Variants in CRELD2 observed in about 807,000 individuals in gnomAD.
CRELD2 encodes CRELD disulfide isomerase 2, also known as protein disulfide isomerase CRELD2.
A neutral mutation model predicts 48.1 loss-of-function variants in CRELD2; 33 were observed. That is an observed-to-expected ratio of 0.69 (90% CI 0.52 to 0.92). CRELD2 has a LOEUF of 0.92. Among genes scored for constraint, CRELD2 ranks in the 40% least tolerant of loss-of-function variants. CRELD2 has a pLI of 0.00. For synonymous variants in CRELD2, 220 were observed against 203.9 expected, an observed-to-expected ratio of 1.08 and a Z score of -0.67; for missense variants, 477 against 482.4, an observed-to-expected ratio of 0.99 and a Z score of 0.10.
In CRELD2 at chr22:49,924,464, C is replaced by G; in HGVS notation, c.868+9C>G. 1.3e-6 allele frequency: 2 copies of G among 1,590,092 alleles called. No individual in the cohort carries two copies. Among genetic ancestry groups the G allele is most frequent in the Non-Finnish European group, 1.7e-6 (2 of 1,165,300 alleles). ...GCACGGACAGTGTGCAGGTCAGTGA[C>G]GGGGTCTGTGCTGGACGCTGGTGGA... On this transcript the variant is annotated intron_variant, in intron 8 of 9. Transcript: ENST00000328268.
intron 7 of CRELD2, 72 bp from the exon 8 acceptor site, chr22:49,924,288 T>C: frequency 9.2e-7 from 1 of 1,084,392 alleles, no homozygotes; most frequent in Admixed American, 2.0e-5. Context: ...ACCGGTGCCT[T>C]GTGCATGTCG....
rs1056294099 is a variant in CRELD2 at position 49,918,720 on chromosome 22, G to T, written c.-50G>T. 2.2e-5 allele frequency: 16 copies of T among 726,700 alleles called. No homozygotes were observed. The African/African-American group carries it at 2.8e-4, about 13-fold the overall frequency. The allele number at this position is 726,700 out of a possible 1,614,324, so 45.0% of individuals were successfully genotyped here. Reference sequence around the variant, plus strand: ...GGCGGCCGGGAGGCCGGAGCAGCACGGCCGCAGGACCTGGAGCTCCGGCTG... The same window carrying T: ...GGCGGCCGGGAGGCCGGAGCAGCACTGCCGCAGGACCTGGAGCTCCGGCTG... On this transcript the variant is annotated 5_prime_UTR_variant, in exon 1 of 10. Transcript: ENST00000328268.
At chr22:49,925,294 G>A (rs1433302378) in intron 8 of CRELD2, 123 bp from the exon 9 acceptor site, 4 of 728,618 alleles carry the variant, frequency 5.5e-6, no homozygotes, top group Non-Finnish European at 6.9e-6. Flanking sequence ...GCTCCTTTCT[G>A]TAACGTGACG....
At chr22:49,927,091 T>G (rs2146670967) in intron 9 of CRELD2, among the ~76,000 whole-genome samples, 164 bp from the exon 10 acceptor site, 1 of 151,080 alleles carries the variant, frequency 6.6e-6, no homozygotes, top group African/African-American at 2.4e-5. Flanking sequence ...TCATCTGCTT[T>G]GTGGGAAACG....
At chr22:49,919,028 G>T (rs2060646608) in intron 1 of CRELD2, 130 bp downstream of exon 1, 2 of 883,056 alleles carry the variant, frequency 2.3e-6, no homozygotes, top group South Asian at 3.6e-5. Flanking sequence ...CCCTGGATTC[G>T]GGATCCCCCT....
rs777881162 is a variant in CRELD2, at chr22:49,921,656, G to A, written c.487G>A (p.Asp163Asn). 33 of 1,612,822 alleles carry A rather than the reference G, an allele frequency of 2.0e-5. No homozygotes were observed. In the East Asian group the frequency reaches 6.2e-4, roughly 30 times the overall value. ...CAGCGGAGATGGGAGCAGACAGGGC[G>A]ACGGGTCCTGCCGGTGCCACATGGG... ...HCSGDGSRQG[D>N]GSCRCHMGYQ... Residue 163 changes from aspartate to asparagine, a missense_variant, in exon 5 of 10, where the codon GAC becomes AAC. By Grantham distance (23) the Asp-to-Asn change is conservative. Coordinates refer to ENST00000328268, the MANE Select transcript of CRELD2 (RefSeq NM_024324.5).
rs761856101 is a variant in CRELD2, at chr22:49,921,671, T to G, written c.502T>G (p.Cys168Gly). The change falls in exon 5 of 10, where the codon TGC becomes GGC. Residue 168 changes from cysteine to glycine, a missense_variant. By Grantham distance (159) the Cys-to-Gly change is radical (BLOSUM62 -3). Coordinates refer to ENST00000328268, the MANE Select transcript of CRELD2 (RefSeq NM_024324.5). Reference protein sequence around the residue: ...GSRQGDGSCRCHMGYQGPLCT... With the variant: ...GSRQGDGSCRGHMGYQGPLCT... Reference sequence around the variant, plus strand: ...CAGACAGGGCGACGGGTCCTGCCGGTGCCACATGGGGTACCAGGGCCCGCT... The same window carrying G: ...CAGACAGGGCGACGGGTCCTGCCGGGGCCACATGGGGTACCAGGGCCCGCT... The G allele has an allele frequency of 6.2e-7, 1 of 1,612,884 alleles. No individual in the cohort carries two copies. The highest frequency in any genetic ancestry group is 2.2e-5 in the East Asian group (1 of 44,884).
Position 49,919,754 on chromosome 22 carries a change from G to A in CRELD2, c.237G>A (p.Leu79=). 1.2e-6 allele frequency: 2 copies of A among 1,611,568 alleles called. No homozygotes were observed. Among genetic ancestry groups the A allele is most frequent in the Non-Finnish European group, 1.7e-6 (2 of 1,179,072 alleles). Residue 79 remains leucine, a synonymous_variant, in exon 3 of 10, where the codon CTG becomes CTA. Transcript: ENST00000328268. ...GCGAGATTCGCCTGCTGGAGATCCT[G>A]GAGGGGCTGTGCGAGAGCAGCGACT... ...ESSEIRLLEI[L]EGLCESSDFE... is the part of the protein sequence containing the mutation.
Position 49,919,276 on chromosome 22 carries a change from C to T in CRELD2, c.176C>T (p.Ala59Val), listed in dbSNP as rs2060651073. The T allele has an allele frequency of 5.6e-6, 9 of 1,613,716 alleles. No individual in the cohort carries two copies. The highest frequency in any genetic ancestry group is 7.6e-6 in the Non-Finnish European group (9 of 1,180,022). Residue 59 changes from alanine (A) to valine (V), a missense_variant, in exon 2 of 10, where the codon GCT becomes GTT. Transcript: ENST00000328268. Reference protein sequence around the residue: ...AKKNFGGGNTAWEEKTLSKYE... With the variant: ...AKKNFGGGNTVWEEKTLSKYE... ...AAGAACTTTGGCGGCGGGAACACGG[C>T]TTGGGAGGAAAAGACGCTGTCCAAG...
intron 5 of CRELD2, 88 bp downstream of exon 5, chr22:49,921,849 G>A (rs2060691472): frequency 3.6e-6 from 5 of 1,374,408 alleles, no homozygotes; most frequent in Non-Finnish European, 4.9e-6. Context: ...GGGAACAGGG[G>A]CCTGTTGATC....
rs376764425 is a variant in CRELD2 at position 49,925,399 on chromosome 22, G to A, written c.869-18G>A. ...TGCTGAGCAAAGTAATTATTAAAACGGAGTCTTTTCATTTTAGATGTGGAC... is the reference window on the plus strand; with the variant it reads ...TGCTGAGCAAAGTAATTATTAAAACAGAGTCTTTTCATTTTAGATGTGGAC... On this transcript the variant is annotated intron_variant, in intron 8 of 9. Coordinates refer to ENST00000328268, the MANE Select transcript of CRELD2 (RefSeq NM_024324.5). The A allele has an allele frequency of 2.0e-5, 30 of 1,494,840 alleles. No individual in the cohort carries two copies. The highest frequency in any genetic ancestry group is 5.6e-5 in the African/African-American group (4 of 72,002). 92.6% of individuals were successfully genotyped at this position (1,494,840 alleles called of 1,614,324 possible). A position where few individuals can be genotyped will look rare whatever the true frequency, so the allele number is the denominator to read the frequency against.
Position 49,919,243 on chromosome 22 carries a change from C to A in CRELD2, c.143C>A (p.Thr48Asn). The A allele has an allele frequency of 2.5e-6, 4 of 1,613,742 alleles. No individual in the cohort carries two copies. In the South Asian group the frequency reaches 4.4e-5, roughly 18 times the overall value. Residue 48 changes from threonine to asparagine, a missense_variant, in exon 2 of 10, where the codon ACC (threonine) becomes AAC (asparagine). Transcript: ENST00000328268. ...GTCTCCTCGCAGGGGATGGTGGACA[C>A]CGCAAAGAAGAACTTTGGCGGCGGG... The part of the protein sequence containing the change: ...VDKFNQGMVD[T>N]AKKNFGGGNT...
intron 5 of CRELD2, 30 bp downstream of exon 5, chr22:49,921,791 G>C (rs2060690838): frequency 2.5e-6 from 4 of 1,584,858 alleles, no homozygotes; most frequent in African/African-American, 2.7e-5. Context: ...TGGCCCCGGG[G>C]TTGAGGCGGG....
chr22:49,919,598 TG>T, intron 2 of CRELD2, 131 bp from the exon 3 acceptor site: 2 of 673,128 alleles, frequency 3.0e-6, no homozygotes, highest in Non-Finnish European at 2.5e-6. Flanking sequence ...CCCCTGACAG[TG>T]GGGTCCCCTT....
Position 49,918,731 on chromosome 22 carries a change from C to G in CRELD2, c.-39C>G. 1 of 837,474 alleles carries G rather than the reference C, an allele frequency of 1.2e-6. No homozygotes were observed. The highest frequency in any genetic ancestry group is 1.6e-6 in the Non-Finnish European group (1 of 621,418). The allele number at this position is 837,474 out of a possible 1,614,324, so 51.9% of individuals were successfully genotyped here. A position where few individuals can be genotyped will look rare whatever the true frequency, so the allele number is the denominator to read the frequency against. On this transcript the variant is annotated 5_prime_UTR_variant, in exon 1 of 10. Transcript: ENST00000328268. ...GGCCGGAGCAGCACGGCCGCAGGAC[C>G]TGGAGCTCCGGCTGCGTCTTCCCGC...
At chr22:49,925,684 G>A (rs768664834) in intron 9 of CRELD2, 127 bp downstream of exon 9, 14 of 1,520,572 alleles carry the variant, frequency 9.2e-6, no homozygotes, top group East Asian at 4.7e-5. Flanking sequence ...GGGGATTCCC[G>A]GAAGACAGGT....
Position 49,921,752 on chromosome 22 carries a change from A to G in CRELD2, c.583A>G (p.Ile195Val). ...CTCGCTCCGGAACGAGACCCACAGCATCTGCACAGGTACGGGCTACGCCTG... is the reference window on the plus strand; with the variant it reads ...CTCGCTCCGGAACGAGACCCACAGCGTCTGCACAGGTACGGGCTACGCCTG... ...FSSLRNETHS[I>V]CTACDESCKT... The change falls in exon 5 of 10, where the codon ATC (isoleucine) becomes GTC (valine). Residue 195 changes from isoleucine (I) to valine (V), a missense_variant. By Grantham distance (29) the Ile-to-Val change is conservative. Coordinates refer to ENST00000328268, the MANE Select transcript of CRELD2 (RefSeq NM_024324.5). The G allele has an allele frequency of 6.2e-7, 1 of 1,611,806 alleles. No homozygotes were observed. The highest frequency in any genetic ancestry group is 8.5e-7 in the Non-Finnish European group (1 of 1,179,380).
chr22:49,924,365 G>T lies in CRELD2; in HGVS notation c.778G>T (p.Asp260Tyr). ...ACGCTGGCTCCCTGTTGCAGAGTGT[G>T]ACTCCAGCTGTGTGGGCTGCACAGG... ...ANGSYTCEEC[D>Y]SSCVGCTGEG... Residue 260 changes from aspartate to tyrosine, a missense_variant, in exon 8 of 10, where the codon GAC (aspartate) becomes TAC (tyrosine). Coordinates refer to ENST00000328268, the MANE Select transcript of CRELD2 (RefSeq NM_024324.5). 6.2e-7 allele frequency: 1 copy of T among 1,610,940 alleles called. No individual in the cohort carries two copies. Among genetic ancestry groups the T allele is most frequent in the South Asian group, 1.1e-5 (1 of 90,532 alleles).
In CRELD2 at chr22:49,918,726, A is replaced by G. The variant is rs369747419; in HGVS notation, c.-44A>G. 65 of 763,390 alleles carry G rather than the reference A, an allele frequency of 8.5e-5. 1 individual carries two copies. The East Asian group carries it at 1.4e-3, about 16-fold the overall frequency. 47.3% of individuals were successfully genotyped at this position (763,390 alleles called of 1,614,324 possible). A position where few individuals can be genotyped will look rare whatever the true frequency, so the allele number is the denominator to read the frequency against. The stretch of plus-strand genomic sequence containing the variant: ...CGGGAGGCCGGAGCAGCACGGCCGC[A>G]GGACCTGGAGCTCCGGCTGCGTCTT... On this transcript the variant is annotated 5_prime_UTR_variant, in exon 1 of 10. Transcript: ENST00000328268.
Sources: allele counts gnomAD v4.1 joint callset (sites outside exome capture counted in the v4.1 genomes callset), GRCh38; gene constraint gnomAD v4.1.1; transcripts MANE v1.5; gene names NCBI Gene and HGNC (gene_info 2026-07-23, HGNC 2026-07-21).